The following MSI2 variants were observed in gnomAD, a reference collection of about 807,000 sequenced individuals.
The protein encoded by MSI2 is musashi RNA binding protein 2, also known as RNA-binding protein Musashi homolog 2.
In MSI2, 17 loss-of-function variants were observed where a neutral mutation model predicts 45.6. The ratio of observed to expected loss-of-function variants is 0.37; its 90% CI spans 0.26 to 0.56. The LOEUF (loss-of-function observed/expected upper bound fraction) is 0.56, where lower values mean the gene tolerates loss of function less well. MSI2 is among the 20% of genes least tolerant of loss of function. The pLI is 0.77. For synonymous variants in MSI2, 156 were observed against 158.2 expected (o/e 0.99, Z 0.11); for missense variants, 293 against 444.2 (o/e 0.66, Z 3.06).
chr17:57,280,679 T>C lies in MSI2; in HGVS notation c.312+18487T>C, dbSNP rs191104895. On this transcript the variant is annotated intron_variant, in intron 5 of 13. Coordinates refer to ENST00000284073, the MANE Select transcript of MSI2 (RefSeq NM_138962.4). This position sits in a 1 kb window ranked among gnomAD's most constrained non-coding sequence, Gnocchi z 4.2. ...TGGCTGGCAATCGGCATACTCTTAG[T>C]GACGGACCCCTATTGGTAAACTTGT... Among the ~76,000 whole-genome samples the C allele has an allele frequency of 2.7e-3, 408 of 152,294 alleles. No individual in the cohort carries two copies. Among genetic ancestry groups the C allele is most frequent in the African/African-American group, 9.4e-3 (389 of 41,568 alleles).
intron 5 of MSI2, among the ~76,000 whole-genome samples, chr17:57,345,593 T>C (rs1215276092): frequency 6.6e-6 from 1 of 151,754 alleles, no homozygotes; most frequent in Admixed American, 6.6e-5. Flanking sequence ...CTGAGGCGAG[T>C]GGATCACCTG....
the MSI2 span, among the ~76,000 whole-genome samples, chr17:57,692,040 T>C: frequency 3.3e-5 from 5 of 152,342 alleles, no homozygotes; most frequent in Admixed American, 3.3e-4. Context: ...GTGTGGATGC[T>C]GAGAGCATGT....
At position 57,596,679 on chromosome 17, in the gene MSI2, T is replaced by C. The variant is rs1905272072; in HGVS notation, c.455-189T>C. ...GGTGAAATCATTAACTTTTCCTCGCTGTCGGAAGGGTGCTCAGTACAAATT... is the reference window on the plus strand; with the variant it reads ...GGTGAAATCATTAACTTTTCCTCGCCGTCGGAAGGGTGCTCAGTACAAATT... On this transcript the variant is annotated intron_variant, in intron 7 of 13. Transcript: ENST00000284073. The surrounding 1 kb of genome is among the most constrained non-coding windows in gnomAD (Gnocchi z 4.6). Among the ~76,000 whole-genome samples, 2 of 152,244 alleles carry C rather than the reference T, an allele frequency of 1.3e-5. No individual in the cohort carries two copies. Among genetic ancestry groups the C allele is most frequent in the Admixed American group, 6.5e-5 (1 of 15,292 alleles).
chr17:57,462,486 A>G (rs1207123054), intron 6 of MSI2, among the ~76,000 whole-genome samples: 1 of 152,244 alleles, frequency 6.6e-6, no homozygotes, highest in Non-Finnish European at 1.5e-5. Flanking sequence ...CTTCTCTGAC[A>G]AAACTTTTCT....
intron 6 of MSI2, among the ~76,000 whole-genome samples, chr17:57,438,367 T>G (rs768649237): frequency 5.3e-5 from 8 of 152,140 alleles, no homozygotes; most frequent in Admixed American, 3.9e-4. Context: ...AAGACCACAG[T>G]GCCAAGGGGG....
Position 57,683,101 on chromosome 17 carries a change from T to G in MSI2, c.*3584T>G, listed in dbSNP as rs1201182979. 8.7e-6 allele frequency: 2 copies of G among 229,570 alleles called. No homozygotes were observed. Among genetic ancestry groups the G allele is most frequent in the Non-Finnish European group, 1.7e-5 (2 of 115,784 alleles). The allele number at this position is 229,570 out of a possible 1,614,324, so 14.2% of individuals were successfully genotyped here. A position where few individuals can be genotyped will look rare whatever the true frequency, so the allele number is the denominator to read the frequency against. On this transcript the variant is annotated 3_prime_UTR_variant, in exon 14 of 14. Transcript: ENST00000284073. The surrounding 1 kb of genome is among the most constrained non-coding windows in gnomAD (Gnocchi z 5.2). Reference sequence around the variant, plus strand: ...CCAGCAGGCCTTTGCGTTTTTATCCTTCATAACCTTCATCTTAATTTGAAC... The same window carrying G: ...CCAGCAGGCCTTTGCGTTTTTATCCGTCATAACCTTCATCTTAATTTGAAC...
chr17:57,403,261 G>T (rs1470292453), intron 6 of MSI2, among the ~76,000 whole-genome samples: 3 of 151,946 alleles, frequency 2.0e-5, no homozygotes, highest in Non-Finnish European at 4.4e-5. Context: ...CCCAACCCTT[G>T]GTTTCTTTCT....
chr17:57,499,443 A>G (rs1308901393), intron 6 of MSI2, among the ~76,000 whole-genome samples: 1 of 151,968 alleles, frequency 6.6e-6, no homozygotes, highest in African/African-American at 2.4e-5. Flanking sequence ...CACCCACAAC[A>G]CACATGTTTT....
intron 10 of MSI2, chr17:57,632,961 A>G: frequency 9.5e-7 from 1 of 1,053,116 alleles, no homozygotes; most frequent in Non-Finnish European, 1.1e-6. Context: ...TATTTTTTTC[A>G]AAGAACAAAT....
At chr17:57,269,325 T>C (rs1021306188) in intron 5 of MSI2, among the ~76,000 whole-genome samples, 1 of 152,156 alleles carries the variant, frequency 6.6e-6, no homozygotes, top group Admixed American at 6.5e-5. Flanking sequence ...GTTGTGTGTC[T>C]GTGCGGGTGT....
chr17:57,514,914 AC>A (rs2086437568), intron 6 of MSI2, among the ~76,000 whole-genome samples: 1 of 152,064 alleles, frequency 6.6e-6, no homozygotes, highest in Non-Finnish European at 1.5e-5. Context: ...TGGGTACCCC[AC>A]CCCAAACCAC....
intron 10 of MSI2, chr17:57,632,032 T>C (rs947670116): frequency 7.4e-7 from 1 of 1,350,902 alleles, no homozygotes; most frequent in African/African-American, 1.5e-5. Flanking sequence ...AAAAAATTAT[T>C]CTCCAGTCCC....
intron 10 of MSI2, among the ~76,000 whole-genome samples, chr17:57,648,726 GC>G (rs914034545): frequency 1.3e-5 from 2 of 152,126 alleles, no homozygotes; most frequent in African/African-American, 4.8e-5. Context: ...CTATGAAGAA[GC>G]CTTGAGCCCT....
At chr17:57,684,709 C>T (rs752747249), downstream of MSI2, 2 of 153,292 alleles carry the variant, frequency 1.3e-5, no homozygotes, top group Admixed American at 1.3e-4. Flanking sequence ...TGTTCTTTCA[C>T]TTGCAGAGGA....
At chr17:57,382,017 G>C (rs1395377837) in intron 5 of MSI2, among the ~76,000 whole-genome samples, 1 of 152,238 alleles carries the variant, frequency 6.6e-6, no homozygotes, top group African/African-American at 2.4e-5. Context: ...AATACTTAGT[G>C]ATAATAGGAA....
intron 7 of MSI2, among the ~76,000 whole-genome samples, chr17:57,548,334 A>T (rs995619174): frequency 3.5e-5 from 5 of 144,434 alleles, no homozygotes; most frequent in African/African-American, 1.1e-4. Context: ...TAATTCGTTT[A>T]AAAAAAAAAT....
intron 9 of MSI2, among the ~76,000 whole-genome samples, chr17:57,624,322 A>G (rs1034634600): frequency 1.2e-4 from 18 of 152,232 alleles, no homozygotes; most frequent in Non-Finnish European, 2.2e-4. Context: ...CTGTTTGCAT[A>G]TAATCCATTT....
intron 11 of MSI2, among the ~76,000 whole-genome samples, chr17:57,663,483 T>G (rs1432289248): frequency 6.6e-6 from 1 of 152,170 alleles, no homozygotes; most frequent in Non-Finnish European, 1.5e-5. Flanking sequence ...TATTTCTGAC[T>G]ATATCCTGGA....
intron 5 of MSI2, among the ~76,000 whole-genome samples, chr17:57,377,814 G>A (rs527925314): frequency 8.6e-4 from 131 of 152,280 alleles, no homozygotes; most frequent in Non-Finnish European, 1.6e-3. Context: ...AGTGGCTCAC[G>A]CCTGTAATCC....
Sources: gnomAD v4.1 joint callset for allele counts (sites outside exome capture counted in the v4.1 genomes callset) on GRCh38, gnomAD v4.1.1 for gene constraint, Gnocchi (gnomAD v3.1) non-coding constraint, MANE v1.5 for transcripts, NCBI Gene and HGNC (gene_info 2026-07-23, HGNC 2026-07-21) for gene names.